The following PNN variants were observed in gnomAD, a reference collection of about 807,000 sequenced individuals.
The protein encoded by PNN is pinin, desmosome associated protein.
In PNN, 38 loss-of-function variants were observed where a neutral mutation model predicts 76.6. The ratio of observed to expected loss-of-function variants is 0.50; its 90% CI spans 0.38 to 0.65. The LOEUF is 0.65. Among genes scored for constraint, PNN ranks in the 30% least tolerant of loss-of-function variants. PNN has a pLI of 0.00. For missense variants in PNN, 873 were observed against 874.1 expected (o/e 1.00, Z 0.02); for synonymous variants, 366 against 283.7 (o/e 1.29, Z -2.91).
chr14:39,179,754 T>C (rs1185436987), intron 8 of PNN, among the ~76,000 whole-genome samples: 2 of 152,004 alleles, frequency 1.3e-5, no homozygotes, highest in African/African-American at 4.8e-5. Context: ...CAAAAAAAAT[T>C]AGCTGGGCAT....
rs3215669 is a variant in PNN, at chr14:39,176,435, ATTTTTGAAAGT to A, written c.186-89_186-79del. On this transcript the variant is annotated intron_variant, in intron 2 of 8. Transcript: ENST00000216832. ...GTTTAAGGCTACTTTAGTTGGAAAG[ATTTTTGAAAGT>A]TTAACCATATTCTCTTGTCAAATGG... 1.6e-3 allele frequency: 1,631 copies of A among 995,766 alleles called. 31 individuals are homozygous for A. The East Asian group carries it at 0.036, about 22-fold the overall frequency. The allele number at this position is 995,766 out of a possible 1,614,324, so 61.7% of individuals were successfully genotyped here. A position where few individuals can be genotyped will look rare whatever the true frequency, so the allele number is the denominator to read the frequency against.
intron 6 of PNN, 132 bp downstream of exon 6, chr14:39,178,048 T>C (rs2053242642): frequency 1.5e-6 from 1 of 678,334 alleles, no homozygotes; most frequent in Admixed American, 2.5e-5. Flanking sequence ...AGTAAAAACT[T>C]GGTTTAACTT....
At position 39,183,126 on chromosome 14, in the gene PNN, G is replaced by T. The variant is rs1046426176; in HGVS notation, c.*1263G>T. 6.6e-6 allele frequency: 1 copy of T among 152,464 alleles called. No homozygotes were observed. The highest frequency in any genetic ancestry group is 1.5e-5 in the Non-Finnish European group (1 of 68,028). 9.4% of individuals were successfully genotyped at this position (152,464 alleles called of 1,614,324 possible). On this transcript the variant is annotated 3_prime_UTR_variant, in exon 9 of 9. Coordinates refer to ENST00000216832, the MANE Select transcript of PNN (RefSeq NM_002687.4). ...GAAGAAGTATTTCCAGTTAGTTTTT[G>T]TGTGTATATAACTCACTTGTGTAAG...
In PNN at chr14:39,181,781, T is replaced by C; in HGVS notation, c.2072T>C (p.Ile691Thr). The C allele has an allele frequency of 1.9e-6, 3 of 1,613,892 alleles. No homozygotes were observed. The highest frequency in any genetic ancestry group is 4.5e-5 in the East Asian group (2 of 44,884). ...KNSRSDRKRS[I>T]SESSRSGKRS... ...TCCCGGTCCGACAGAAAGAGGTCTATATCAGAGAGTAGTCGATCAGGCAAA... is the reference window on the plus strand; with the variant it reads ...TCCCGGTCCGACAGAAAGAGGTCTACATCAGAGAGTAGTCGATCAGGCAAA... The change falls in exon 9 of 9, where the codon ATA becomes ACA. Residue 691 changes from isoleucine to threonine, a missense_variant. Transcript: ENST00000216832.
chr14:39,181,611 G>C lies in PNN; in HGVS notation c.1902G>C (p.Arg634=), dbSNP rs753529400. The C allele has an allele frequency of 1.2e-6, 2 of 1,614,010 alleles. No individual in the cohort carries two copies. Among genetic ancestry groups the C allele is most frequent in the Non-Finnish European group, 1.7e-6 (2 of 1,180,024 alleles). ...STSSSSESRS[R]SRGRGHNRDR... is the part of the protein sequence containing the mutation. The stretch of plus-strand genomic sequence containing the variant: ...GTAGTAGTAGTGAGAGTAGAAGTCG[G>C]AGTAGGGGCCGGGGACATAATAGAG... Residue 634 remains arginine (R), a synonymous_variant, in exon 9 of 9, where the codon CGG becomes CGC. Coordinates refer to ENST00000216832, the MANE Select transcript of PNN (RefSeq NM_002687.4).
In PNN at chr14:39,175,386, A is replaced by G; in HGVS notation, c.107A>G (p.Asp36Gly). The change falls in exon 1 of 9, where the codon GAC (aspartate) becomes GGC (glycine). Residue 36 changes from aspartate (D) to glycine (G), a missense_variant. Physicochemically the swap from Asp to Gly is moderately conservative, Grantham distance 94. This residue lies in a region of PNN where 156 missense variants were observed against 161.7 expected (regional missense o/e 0.96). Coordinates refer to ENST00000216832, the MANE Select transcript of PNN (RefSeq NM_002687.4). ...AAGCTCACCGGGCGGGATCCGAATG[A>G]CGTGAGGTAAGGGCCTAACGGGAAC... ...IRKLTGRDPN[D>G]VRPIQARLLA... 6.3e-7 allele frequency: 1 copy of G among 1,599,404 alleles called. No individual in the cohort carries two copies. Among genetic ancestry groups the G allele is most frequent in the Non-Finnish European group, 8.6e-7 (1 of 1,167,218 alleles).
In PNN at chr14:39,181,672, A is replaced by G. The variant is rs774568309; in HGVS notation, c.1963A>G (p.Arg655Gly). 2 of 1,614,078 alleles carry G rather than the reference A, an allele frequency of 1.2e-6. No homozygotes were observed. Among genetic ancestry groups the G allele is most frequent in the Non-Finnish European group, 1.7e-6 (2 of 1,179,956 alleles). ...CAGAAGGAGCGTGGATCGGAAGAGAAGGGATACTTCAGGACTAGAAAGAAG... is the reference window on the plus strand; with the variant it reads ...CAGAAGGAGCGTGGATCGGAAGAGAGGGGATACTTCAGGACTAGAAAGAAG... The part of the protein sequence containing the change: ...KHRRSVDRKR[R>G]DTSGLERSHK... Residue 655 changes from arginine to glycine, a missense_variant, in exon 9 of 9, where the codon AGG (arginine) becomes GGG (glycine). Arg to Gly is a moderately radical substitution (Grantham distance 125). Around this residue, in one of 3 missense-constraint regions of PNN, gnomAD observed 712 missense variants for 693.1 expected, o/e 1.03. Transcript: ENST00000216832.
intron 4 of PNN, 22 bp from the exon 5 acceptor site, chr14:39,177,571 C>T: frequency 1.9e-6 from 3 of 1,608,656 alleles, no homozygotes; most frequent in Non-Finnish European, 1.7e-6. Context: ...AGTTAAATTA[C>T]TGAGATTTTC....
intron 3 of PNN, 132 bp downstream of exon 3, chr14:39,176,727 A>C (rs956413309): frequency 3.1e-6 from 2 of 649,920 alleles, no homozygotes; most frequent in African/African-American, 3.7e-5. Flanking sequence ...GCCCCCCCCA[A>C]GTTCTGTTGG....
In PNN at chr14:39,175,337, A is replaced by G; in HGVS notation, c.58A>G (p.Lys20Glu). The G allele has an allele frequency of 6.2e-7, 1 of 1,613,004 alleles. No individual in the cohort carries two copies. The highest frequency in any genetic ancestry group is 8.5e-7 in the Non-Finnish European group (1 of 1,179,448). Reference protein sequence around the residue: ...EQLEKAKESLKNVDENIRKLT... With the variant: ...EQLEKAKESLENVDENIRKLT... ...GCTGGAAAAGGCCAAAGAGAGTCTT[A>G]AGAACGTGGATGAGAACATTCGCAA... The change falls in exon 1 of 9, where the codon AAG (lysine) becomes GAG (glutamate). Residue 20 changes from lysine to glutamate, a missense_variant. By Grantham distance (56) the Lys-to-Glu change is moderately conservative. Around this residue, in one of 3 missense-constraint regions of PNN, gnomAD observed 156 missense variants for 161.7 expected, o/e 0.96. Coordinates refer to ENST00000216832, the MANE Select transcript of PNN (RefSeq NM_002687.4).
intron 8 of PNN, among the ~76,000 whole-genome samples, chr14:39,180,061 G>A (rs577909961): frequency 3.9e-5 from 6 of 152,062 alleles, no homozygotes; most frequent in Non-Finnish European, 8.8e-5. Context: ...TGCTATTATT[G>A]TTCTGATAAA....
In PNN at chr14:39,176,722, C is replaced by CG. The variant is rs200060911; in HGVS notation, c.254+127_254+128insG. On this transcript the variant is annotated intron_variant, in intron 3 of 8. Coordinates refer to ENST00000216832, the MANE Select transcript of PNN (RefSeq NM_002687.4). ...TGAGTGGTATGCCACTCCCTGCCCC[C>CG]CCCAAGTTCTGTTGGTATTTGACTG... 2,694 of 659,474 alleles carry CG rather than the reference C, an allele frequency of 4.1e-3. 16 individuals are homozygous for CG. The highest frequency in any genetic ancestry group is 5.2e-3 in the Non-Finnish European group (2,020 of 385,246). The allele number at this position is 659,474 out of a possible 1,614,324, so 40.9% of individuals were successfully genotyped here.
At chr14:39,178,367 A>G (rs1692908850) in intron 6 of PNN, among the ~76,000 whole-genome samples, 1 of 152,192 alleles carries the variant, frequency 6.6e-6, no homozygotes, top group East Asian at 1.9e-4. Context: ...CCCTGTCTTT[A>G]CTAAAAATAC....
chr14:39,176,478 C>T, intron 2 of PNN, 49 bp from the exon 3 acceptor site: 1 of 1,314,012 alleles, frequency 7.6e-7, no homozygotes. Flanking sequence ...ATGGAAATAC[C>T]ATTTATCTTG....
Position 39,175,362 on chromosome 14 carries a change from A to C in PNN, c.83A>C (p.Lys28Thr), listed in dbSNP as rs1156886996. The C allele has an allele frequency of 6.2e-7, 1 of 1,612,082 alleles. No homozygotes were observed. The highest frequency in any genetic ancestry group is 1.3e-5 in the African/African-American group (1 of 74,878). Residue 28 changes from lysine to threonine, a missense_variant, in exon 1 of 9, where the codon AAG becomes ACG. Transcript: ENST00000216832. ...AAGAACGTGGATGAGAACATTCGCA[A>C]GCTCACCGGGCGGGATCCGAATGAC... is the stretch of plus-strand genomic sequence containing the variant. ...SLKNVDENIRKLTGRDPNDVR... is the reference protein window; with the variant it reads ...SLKNVDENIRTLTGRDPNDVR...
chr14:39,175,586 G>A (rs1416999972), intron 1 of PNN, among the ~76,000 whole-genome samples, 194 bp downstream of exon 1: 1 of 152,226 alleles, frequency 6.6e-6, no homozygotes, highest in East Asian at 1.9e-4. Flanking sequence ...GCTGGTCTCA[G>A]GTCCCTGAGG....
At chr14:39,179,291 T>C in intron 7 of PNN, 33 bp from the exon 8 acceptor site, 1 of 1,608,740 alleles carries the variant, frequency 6.2e-7, no homozygotes, top group Non-Finnish European at 8.5e-7. Flanking sequence ...CCTTTGTGTT[T>C]ACAAAAGCAC....
chr14:39,175,530 C>G (rs975440457), intron 1 of PNN, 138 bp downstream of exon 1: 1 of 668,460 alleles, frequency 1.5e-6, no homozygotes, highest in East Asian at 2.8e-5. Flanking sequence ...CGGGTAAAAC[C>G]CTGTTGTCGC....
At chr14:39,178,746 A>AAT (rs1491097524) in intron 6 of PNN, among the ~76,000 whole-genome samples, 3 of 123,682 alleles carry the variant, frequency 2.4e-5, no homozygotes, top group African/African-American at 6.3e-5. Context: ...AAAAAAAAAA[A>AAT]TTTTTTTTGA....
Sources: gnomAD v4.1 joint callset for allele counts (sites outside exome capture counted in the v4.1 genomes callset) on GRCh38, gnomAD v4.1.1 for gene constraint, gnomAD v4.1.1 regional missense constraint, MANE v1.5 for transcripts, NCBI Gene and HGNC (gene_info 2026-07-23, HGNC 2026-07-21) for gene names.